The following LHFPL6 variants were observed in gnomAD, a reference collection of about 807,000 sequenced individuals.
LHFPL6 encodes LHFPL tetraspan subfamily member 6 protein.
In LHFPL6, 9 loss-of-function variants were observed where a neutral mutation model predicts 20.6. That is an observed-to-expected ratio of 0.44 (90% confidence interval 0.26 to 0.76). The LOEUF is 0.76. Ranked by LOEUF, LHFPL6 falls within the 30% of genes least tolerant of loss-of-function variation. The pLI is 0.20. For missense variants in LHFPL6, 218 were observed against 253.5 expected, an observed-to-expected ratio of 0.86 and a Z score of 0.95; for synonymous variants, 105 against 98.7, an observed-to-expected ratio of 1.06 and a Z score of -0.38.
Position 39,603,175 on chromosome 13 carries a change from G to A in LHFPL6, c.-467C>T, listed in dbSNP as rs1873029771. ...GCGCGGGCGCCGGGGATCGCACGCA[G>A]AGGAGCGGATCTCCCTTTGGCAGGC... On this transcript the variant is annotated 5_prime_UTR_variant, in exon 1 of 4. Coordinates refer to ENST00000379589, the MANE Select transcript of LHFPL6 (RefSeq NM_005780.3). 1.3e-5 allele frequency: 2 copies of A among 152,374 alleles called. No homozygotes were observed. The highest frequency in any genetic ancestry group is 2.9e-5 in the Non-Finnish European group (2 of 68,180). The allele number at this position is 152,374 out of a possible 1,614,324, so 9.4% of individuals were successfully genotyped here.
intron 2 of LHFPL6, among the ~76,000 whole-genome samples, chr13:39,432,237 A>G (rs1871831464): frequency 6.6e-6 from 1 of 152,232 alleles, no homozygotes; most frequent in African/African-American, 2.4e-5. Context: ...TTGTTATAAC[A>G]GCACAAATAA....
chr13:39,577,502 C>T (rs779187577), intron 2 of LHFPL6, among the ~76,000 whole-genome samples: 15 of 152,186 alleles, frequency 9.9e-5, no homozygotes, highest in African/African-American at 3.6e-4. Context: ...GTATCAAGCT[C>T]TAAGCACCCC....
chr13:39,435,162 T>C (rs1455514398), intron 2 of LHFPL6, among the ~76,000 whole-genome samples: 1 of 151,824 alleles, frequency 6.6e-6, no homozygotes, highest in Non-Finnish European at 1.5e-5. Context: ...AGAAAGATGA[T>C]GGCTATCTTG....
chr13:39,440,828 G>A (rs1872102711), intron 2 of LHFPL6, among the ~76,000 whole-genome samples: 1 of 152,094 alleles, frequency 6.6e-6, no homozygotes, highest in Non-Finnish European at 1.5e-5. Context: ...TGAATTACGG[G>A]GGCAGATCTT....
chr13:39,363,784 T>C (rs1869940033), intron 3 of LHFPL6, among the ~76,000 whole-genome samples: 1 of 152,146 alleles, frequency 6.6e-6, no homozygotes, highest in African/African-American at 2.4e-5. Context: ...TTGCACCACA[T>C]AATTACCTGC....
intron 2 of LHFPL6, among the ~76,000 whole-genome samples, chr13:39,455,075 C>T (rs1872538315): frequency 6.6e-6 from 1 of 152,088 alleles, no homozygotes; most frequent in African/African-American, 2.4e-5. Context: ...CCTCACCAGA[C>T]ACTAAATCTG....
chr13:39,486,410 T>C (rs942826844), intron 2 of LHFPL6, among the ~76,000 whole-genome samples: 23 of 152,146 alleles, frequency 1.5e-4, no homozygotes, highest in African/African-American at 4.1e-4. Context: ...ACACGGTATT[T>C]AAAAAAATGT....
chr13:39,526,352 T>G (rs1487879826), intron 2 of LHFPL6, among the ~76,000 whole-genome samples: 1 of 151,974 alleles, frequency 6.6e-6, no homozygotes, highest in Non-Finnish European at 1.5e-5. Flanking sequence ...ATGGCAGGGG[T>G]TGGAGGGAGA....
chr13:39,562,581 C>CACACATAT (rs1566142181), intron 2 of LHFPL6, among the ~76,000 whole-genome samples: 1 of 127,492 alleles, frequency 7.8e-6, no homozygotes, highest in East Asian at 2.4e-4. Context: ...TACATATATA[C>CACACATAT]ACATATATAC....
chr13:39,599,525 T>C (rs1872866233), intron 2 of LHFPL6, among the ~76,000 whole-genome samples: 1 of 152,162 alleles, frequency 6.6e-6, no homozygotes, highest in Non-Finnish European at 1.5e-5. Context: ...AGATGACAGG[T>C]AGGTCCCCCA....
At chr13:39,500,999 A>T (rs1879614200) in intron 2 of LHFPL6, among the ~76,000 whole-genome samples, 1 of 152,158 alleles carries the variant, frequency 6.6e-6, no homozygotes, top group African/African-American at 2.4e-5. Context: ...GACAATGTGA[A>T]TTTCTAACAC....
At chr13:39,392,040 C>G (rs1411733741) in intron 2 of LHFPL6, among the ~76,000 whole-genome samples, 1 of 152,196 alleles carries the variant, frequency 6.6e-6, no homozygotes, top group East Asian at 1.9e-4. Flanking sequence ...CAGTCCCAAA[C>G]AAGTTTTGAA....
At chr13:39,587,821 G>A (rs1593375478) in intron 2 of LHFPL6, among the ~76,000 whole-genome samples, 1 of 152,132 alleles carries the variant, frequency 6.6e-6, no homozygotes, top group East Asian at 1.9e-4. Context: ...TGAGAGGACT[G>A]GGCTTCCTGA....
intron 2 of LHFPL6, among the ~76,000 whole-genome samples, chr13:39,570,550 A>T (rs2138529973): frequency 6.6e-6 from 1 of 150,748 alleles, no homozygotes; most frequent in South Asian, 2.1e-4. Flanking sequence ...TAATAATATA[A>T]AATAAAATGA....
intron 2 of LHFPL6, among the ~76,000 whole-genome samples, chr13:39,394,817 T>C (rs1013803184): frequency 3.3e-5 from 5 of 152,166 alleles, no homozygotes; most frequent in African/African-American, 4.8e-5. Context: ...ATGCTCAAAG[T>C]CACAGTTAGT....
At chr13:39,600,284 A>C (rs183076742) in intron 2 of LHFPL6, among the ~76,000 whole-genome samples, 33 of 152,354 alleles carry the variant, frequency 2.2e-4, no homozygotes, top group Admixed American at 1.4e-3. Flanking sequence ...TAGAATAGTT[A>C]AGTTCATAGT....
chr13:39,566,537 T>C (rs1871720151), intron 2 of LHFPL6, among the ~76,000 whole-genome samples: 1 of 151,656 alleles, frequency 6.6e-6, no homozygotes, highest in South Asian at 2.1e-4. Context: ...GCCTAGGAGT[T>C]TGAGACGAGC....
At chr13:39,399,207 G>A (rs1446865450) in intron 2 of LHFPL6, among the ~76,000 whole-genome samples, 1 of 152,162 alleles carries the variant, frequency 6.6e-6, no homozygotes, top group South Asian at 2.1e-4. Context: ...GGTTTATTCT[G>A]CTGGCTTCTA....
intron 2 of LHFPL6, among the ~76,000 whole-genome samples, chr13:39,381,944 A>G (rs1471506021): frequency 1.3e-5 from 2 of 152,136 alleles, no homozygotes; most frequent in East Asian, 3.9e-4. Flanking sequence ...AACAGTCAGC[A>G]GCATATGCGT....
Sources: gnomAD v4.1 joint callset for allele counts (sites outside exome capture counted in the v4.1 genomes callset) on GRCh38, gnomAD v4.1.1 for gene constraint, MANE v1.5 for transcripts, NCBI Gene and HGNC (gene_info 2026-07-23, HGNC 2026-07-21) for gene names.